Variants in KIF13A observed in about 807,000 individuals in gnomAD.
KIF13A encodes the protein kinesin family member 13A, also known as kinesin-like protein KIF13A.
A neutral mutation model predicts 212.2 loss-of-function variants in KIF13A; 79 were observed. The observed-to-expected ratio is 0.37, with a 90% CI of 0.31 to 0.45. The LOEUF is 0.45. Among genes scored for constraint, KIF13A ranks in the 20% least tolerant of loss-of-function variants. The pLI, the probability that KIF13A is intolerant of heterozygous loss-of-function variation, is 1.00. For synonymous variants in KIF13A, 789 were observed against 808.6 expected, an observed-to-expected ratio of 0.98 and a Z score of 0.41; for missense variants, 1,901 against 2,209.0, an observed-to-expected ratio of 0.86 and a Z score of 2.79.
In KIF13A at chr6:17,897,836, T is replaced by C. The variant is rs955598135; in HGVS notation, c.159+332A>G. On this transcript the variant is annotated intron_variant, in intron 3 of 38. Transcript: ENST00000259711. This position sits in a 1 kb window ranked among gnomAD's most constrained non-coding sequence, Gnocchi z 4.8. ...ATACTGTGCAGTCCCAGCTCTTCCA[T>C]TCACTCAATCTGTGAGTTAGGACAT... Among the ~76,000 whole-genome samples, 1 of 152,194 alleles carries C rather than the reference T, an allele frequency of 6.6e-6. No individual in the cohort carries two copies. Among genetic ancestry groups the C allele is most frequent in the Non-Finnish European group, 1.5e-5 (1 of 68,022 alleles).
intron 17 of KIF13A, among the ~76,000 whole-genome samples, chr6:17,812,897 T>C (rs961931410): frequency 2.0e-5 from 3 of 152,230 alleles, no homozygotes; most frequent in Non-Finnish European, 2.9e-5. Flanking sequence ...GGTATCTCAT[T>C]GTGGTTTTGA....
In KIF13A at chr6:17,963,749, G is replaced by A. The variant is rs1275438189; in HGVS notation, c.146+23305C>T. 3.9e-5 allele frequency among the ~76,000 whole-genome samples: 6 copies of A among 152,166 alleles called. No individual in the cohort carries two copies. Among genetic ancestry groups the A allele is most frequent in the Non-Finnish European group, 7.3e-5 (5 of 68,030 alleles). ...TTTTTGCATTTTTAGTAGAGACAGG[G>A]TTCCACCATGTTGGCCAAGCTGGTT... On this transcript the variant is annotated intron_variant, in intron 2 of 38. Coordinates refer to ENST00000259711, the MANE Select transcript of KIF13A (RefSeq NM_022113.6). The surrounding 1 kb of genome is among the most constrained non-coding windows in gnomAD (Gnocchi z 4.1).
At chr6:17,774,318 T>C (rs1004582112) in intron 35 of KIF13A, among the ~76,000 whole-genome samples, 1 of 152,104 alleles carries the variant, frequency 6.6e-6, no homozygotes, top group African/African-American at 2.4e-5. Context: ...TTAAATCCCC[T>C]CTTTTACCCA....
intron 9 of KIF13A, among the ~76,000 whole-genome samples, chr6:17,846,960 C>T (rs374558294): frequency 1.3e-5 from 2 of 152,322 alleles, no homozygotes; most frequent in African/African-American, 4.8e-5. Flanking sequence ...TGGGAGACAT[C>T]ATTAAACTTG....
At chr6:17,817,363 G>A (rs1764041130) in intron 16 of KIF13A, 130 bp from the exon 17 acceptor site, 1 of 703,480 alleles carries the variant, frequency 1.4e-6, no homozygotes, top group Non-Finnish European at 2.5e-6. Flanking sequence ...TTTGTGAGAG[G>A]CCTGAGGGGC....
chr6:17,784,144 G>T (rs928479346), intron 28 of KIF13A, among the ~76,000 whole-genome samples: 2 of 152,216 alleles, frequency 1.3e-5, no homozygotes, highest in African/African-American at 4.8e-5. Flanking sequence ...CCAGGGATGG[G>T]CATGGTGGCT....
At chr6:17,830,167 G>T (rs1400226477) in intron 13 of KIF13A, among the ~76,000 whole-genome samples, 1 of 152,222 alleles carries the variant, frequency 6.6e-6, no homozygotes, top group African/African-American at 2.4e-5. Flanking sequence ...AGTTCTAAAA[G>T]TGTGATCTGA....
chr6:17,950,634 A>G (rs1268078208), intron 2 of KIF13A: 19 of 985,146 alleles, frequency 1.9e-5, no homozygotes, highest in Non-Finnish European at 2.2e-5. Flanking sequence ...TTAAAAAGCA[A>G]TAACTATCTC....
Position 17,951,002 on chromosome 6 carries a change from T to C in KIF13A, c.146+36052A>G. 1.0e-6 allele frequency: 1 copy of C among 984,822 alleles called. No homozygotes were observed. Among genetic ancestry groups the C allele is most frequent in the African/African-American group, 1.7e-5 (1 of 57,680 alleles). 61.0% of individuals were successfully genotyped at this position (984,822 alleles called of 1,614,324 possible). On this transcript the variant is annotated intron_variant, in intron 2 of 38. Transcript: ENST00000259711. The surrounding 1 kb of genome is among the most constrained non-coding windows in gnomAD (Gnocchi z 4.9). The stretch of plus-strand genomic sequence containing the variant: ...ATTTCTCAAATGAATATAACACTAT[T>C]GAACATAAATGACTAAATATATGGG...
chr6:17,983,939 A>G (rs1208278642), intron 2 of KIF13A, among the ~76,000 whole-genome samples: 6 of 152,196 alleles, frequency 3.9e-5, no homozygotes, highest in Admixed American at 3.3e-4. Flanking sequence ...CTCAGCATCC[A>G]TAAGACCACA....
At chr6:17,780,538 C>T (rs2150306655) in intron 31 of KIF13A, among the ~76,000 whole-genome samples, 192 bp downstream of exon 31, 1 of 152,298 alleles carries the variant, frequency 6.6e-6, no homozygotes, top group East Asian at 1.9e-4. Context: ...GGTGAAACTG[C>T]CCTTACTGGA....
rs75419689 is a variant in KIF13A at position 17,961,005 on chromosome 6, A to G, written c.146+26049T>C. Among the ~76,000 whole-genome samples, 9,733 of 152,318 alleles carry G rather than the reference A, an allele frequency of 0.064. 456 individuals are homozygous for G. Among genetic ancestry groups the G allele is most frequent in the South Asian group, 0.17 (809 of 4,830 alleles). ...AGAAGCGTAGCATCTTTCAGTTCAAAAAAGTATTAAACAGCAGATTAACAA... is the reference window on the plus strand; with the variant it reads ...AGAAGCGTAGCATCTTTCAGTTCAAGAAAGTATTAAACAGCAGATTAACAA... On this transcript the variant is annotated intron_variant, in intron 2 of 38. Coordinates refer to ENST00000259711, the MANE Select transcript of KIF13A (RefSeq NM_022113.6). The surrounding 1 kb of genome is among the most constrained non-coding windows in gnomAD (Gnocchi z 4.1).
intron 3 of KIF13A, among the ~76,000 whole-genome samples, chr6:17,894,172 G>T (rs528029382): frequency 1.4e-5 from 2 of 144,038 alleles, no homozygotes; most frequent in South Asian, 4.4e-4. Context: ...GGGTTCTGTC[G>T]CCCAGGCTGG....
rs187101374 is a variant in KIF13A at position 17,857,785 on chromosome 6, C to T, written c.221-1663G>A. ...GGGAATATGCCTACACTGCCTGACC[C>T]ACTGTGAAGCATCTACTCTAGAAAC... is the stretch of plus-strand genomic sequence containing the variant. On this transcript the variant is annotated intron_variant, in intron 4 of 38. Transcript: ENST00000259711. 1.7e-3 allele frequency among the ~76,000 whole-genome samples: 266 copies of T among 152,230 alleles called. 2 individuals are homozygous for T. In the South Asian group the frequency reaches 0.018, roughly 10 times the overall value.
intron 2 of KIF13A, among the ~76,000 whole-genome samples, chr6:17,921,553 C>T (rs1219938499): frequency 2.6e-5 from 4 of 152,178 alleles, no homozygotes; most frequent in Non-Finnish European, 4.4e-5. Flanking sequence ...GCTTTTTATT[C>T]GCACTTTGAT....
rs1030311382 is a variant in KIF13A, at chr6:17,769,516, C to T, written c.4581+1598G>A. Reference sequence around the variant, plus strand: ...CCTTCTCTCTGCTAGCTGAAAGCCCCGAGATGGGTTTTATTTTAAAATATT... The same window carrying T: ...CCTTCTCTCTGCTAGCTGAAAGCCCTGAGATGGGTTTTATTTTAAAATATT... On this transcript the variant is annotated intron_variant, in intron 38 of 38. Transcript: ENST00000259711. The surrounding 1 kb of genome is among the most constrained non-coding windows in gnomAD (Gnocchi z 5.8). 3.3e-5 allele frequency among the ~76,000 whole-genome samples: 5 copies of T among 152,004 alleles called. No individual in the cohort carries two copies. The highest frequency in any genetic ancestry group is 6.6e-5 in the Admixed American group (1 of 15,256).
At chr6:17,761,202 A>C (rs141316781), downstream of KIF13A, among the ~76,000 whole-genome samples, 465 of 152,252 alleles carry the variant, frequency 3.1e-3, 3 homozygotes, top group African/African-American at 0.01. Flanking sequence ...TAAACTGTCA[A>C]AACAACTTAT....
chr6:17,854,295 C>T (rs545659404), intron 6 of KIF13A, among the ~76,000 whole-genome samples: 3 of 152,114 alleles, frequency 2.0e-5, no homozygotes, highest in Non-Finnish European at 2.9e-5. Context: ...CCCAGCACCA[C>T]GCCCAGCTAA....
intron 3 of KIF13A, among the ~76,000 whole-genome samples, chr6:17,874,382 CAT>C (rs746424674): frequency 3.9e-4 from 59 of 151,822 alleles, no homozygotes; most frequent in Non-Finnish European, 7.2e-4. Context: ...AGCAATTTTA[CAT>C]GTTTAGTATT....
Sources: allele counts gnomAD v4.1 joint callset (sites outside exome capture counted in the v4.1 genomes callset), GRCh38; gene constraint gnomAD v4.1.1; non-coding constraint Gnocchi (gnomAD v3.1); transcripts MANE v1.5; gene names NCBI Gene and HGNC (gene_info 2026-07-23, HGNC 2026-07-21).